The following PHF24 variants were observed in gnomAD, a reference collection of about 807,000 sequenced individuals.
PHF24 encodes the protein PHD finger protein 24.
A neutral mutation model predicts 42.6 loss-of-function variants in PHF24; 25 were observed. That is an observed-to-expected ratio of 0.59 (90% CI 0.43 to 0.82). The LOEUF is 0.82. Among genes scored for constraint, PHF24 ranks in the 40% least tolerant of loss-of-function variants. The probability of loss-of-function intolerance (pLI) is 0.00; values close to 1 mark genes in which losing one functional copy is unlikely to be tolerated. For synonymous variants in PHF24, 185 were observed against 204.8 expected (o/e 0.90, Z 0.83); for missense variants, 470 against 538.1 (o/e 0.87, Z 1.25).
chr9:34,783,488 C>G, the PHF24 span, among the ~76,000 whole-genome samples: 1 of 152,142 alleles, frequency 6.6e-6, no homozygotes, highest in African/African-American at 2.4e-5. Flanking sequence ...TCTATCATAG[C>G]CCTTACCCTA....
the PHF24 span, among the ~76,000 whole-genome samples, chr9:34,751,307 G>A: frequency 1.3e-5 from 2 of 152,208 alleles, no homozygotes; most frequent in African/African-American, 4.8e-5. Context: ...GGAGGTTGCA[G>A]TGAGAAGAGA....
chr9:34,720,815 C>G, the PHF24 span, among the ~76,000 whole-genome samples: 1 of 152,184 alleles, frequency 6.6e-6, no homozygotes, highest in South Asian at 2.1e-4. Flanking sequence ...CCAAGAGCAC[C>G]TGCTGCACAG....
At chr9:34,745,477 C>T in the PHF24 span, among the ~76,000 whole-genome samples, 3 of 151,354 alleles carry the variant, frequency 2.0e-5, no homozygotes, top group African/African-American at 7.3e-5. Flanking sequence ...ATGATATTTA[C>T]AATAAGAGGT....
the PHF24 span, chr9:34,837,226 A>G: frequency 4.7e-6 from 2 of 425,638 alleles, no homozygotes; most frequent in African/African-American, 4.1e-5. Flanking sequence ...GCAAGAAGAC[A>G]CTGAGAACCC....
chr9:34,828,115 A>G, the PHF24 span, among the ~76,000 whole-genome samples: 1 of 151,884 alleles, frequency 6.6e-6, no homozygotes, highest in South Asian at 2.1e-4. Flanking sequence ...TTGCCTCTGC[A>G]TACCATTCCC....
the PHF24 span, among the ~76,000 whole-genome samples, chr9:34,854,855 G>A: frequency 6.6e-5 from 10 of 152,096 alleles, no homozygotes; most frequent in Non-Finnish European, 1.5e-4. Context: ...CTTGATGATC[G>A]GTCTAATATT....
chr9:34,961,085 G>A (rs1298934532), intron 1 of PHF24, among the ~76,000 whole-genome samples: 1 of 152,056 alleles, frequency 6.6e-6, no homozygotes, highest in Non-Finnish European at 1.5e-5. Flanking sequence ...GACCTCCCCA[G>A]GCCCATTTCC....
chr9:34,852,533 C>T, the PHF24 span, among the ~76,000 whole-genome samples: 1 of 152,184 alleles, frequency 6.6e-6, no homozygotes, highest in Non-Finnish European at 1.5e-5. Context: ...TAATGGACAG[C>T]TTTGCTGAGC....
At chr9:34,917,596 G>A in the PHF24 span, 1 of 775,390 alleles carries the variant, frequency 1.3e-6, no homozygotes, top group Admixed American at 1.7e-5. Flanking sequence ...ATACCCTCAT[G>A]GGGACAAATG....
the PHF24 span, chr9:34,918,205 C>T: frequency 6.8e-7 from 1 of 1,463,420 alleles, no homozygotes; most frequent in Non-Finnish European, 9.6e-7. Flanking sequence ...CACCCCTCTG[C>T]CAACTGTGAC....
the PHF24 span, among the ~76,000 whole-genome samples, chr9:34,677,404 T>TTG: frequency 7.1e-6 from 1 of 141,458 alleles, no homozygotes; most frequent in Non-Finnish European, 1.5e-5. Context: ...TTTTTTTTTT[T>TTG]TTTTTTTTTT....
At chr9:34,852,543 C>A in the PHF24 span, among the ~76,000 whole-genome samples, 2 of 152,178 alleles carry the variant, frequency 1.3e-5, no homozygotes, top group Non-Finnish European at 2.9e-5. Flanking sequence ...CTTTGCTGAG[C>A]AAAGTATAGT....
At chr9:34,918,025 A>C in the PHF24 span, 4 of 1,258,248 alleles carry the variant, frequency 3.2e-6, no homozygotes, top group Admixed American at 5.0e-5. Context: ...CACCAGTACC[A>C]CATCTGTGCC....
At chr9:34,691,055 C>A in the PHF24 span, 11 of 1,565,292 alleles carry the variant, frequency 7.0e-6, no homozygotes, top group African/African-American at 5.4e-5. Context: ...GCCAGCCCCC[C>A]ACTGCCTCTG....
rs1293579794 is a variant in PHF24 at position 34,971,958 on chromosome 9, AC to A, written c.378+283del. 2.0e-5 allele frequency among the ~76,000 whole-genome samples: 3 copies of A among 152,034 alleles called. No individual in the cohort carries two copies. The East Asian group carries it at 5.8e-4, about 29-fold the overall frequency. ...TGGGTTTTCAACCATGGATAGTACT[AC>A]ACCCTGCGGGAGGCAATTGGAAATT... is the stretch of plus-strand genomic sequence containing the variant. On this transcript the variant is annotated intron_variant, in intron 2 of 7. Transcript: ENST00000242315.
the PHF24 span, chr9:34,832,345 G>C: frequency 1.4e-6 from 1 of 719,520 alleles, no homozygotes; most frequent in South Asian, 1.7e-5. Context: ...GGACAGTGAC[G>C]AGGACAGTGG....
At chr9:34,787,529 A>T in the PHF24 span, among the ~76,000 whole-genome samples, 1 of 152,182 alleles carries the variant, frequency 6.6e-6, no homozygotes, top group Non-Finnish European at 1.5e-5. Flanking sequence ...GAAAGGACTA[A>T]GGTTTCCATC....
At chr9:34,835,194 G>A in the PHF24 span, 31 of 1,551,500 alleles carry the variant, frequency 2.0e-5, 1 homozygote, top group Non-Finnish European at 2.5e-5. Flanking sequence ...CAGAAGGTCT[G>A]GATGGGCTGG....
At chr9:34,765,012 A>G in the PHF24 span, among the ~76,000 whole-genome samples, 10 of 152,094 alleles carry the variant, frequency 6.6e-5, no homozygotes, top group African/African-American at 1.9e-4. Flanking sequence ...GAGAGGTTTT[A>G]AGTGAGTTTC....
Sources: allele counts gnomAD v4.1 joint callset (sites outside exome capture counted in the v4.1 genomes callset), GRCh38; gene constraint gnomAD v4.1.1; transcripts MANE v1.5; gene names NCBI Gene and HGNC (gene_info 2026-07-23, HGNC 2026-07-21).